The following SOX5 variants were observed in gnomAD, a reference collection of about 807,000 sequenced individuals.
SOX5 encodes transcription factor SOX-5.
Under a neutral mutation model 92.0 loss-of-function variants are expected in SOX5, and 9 were observed. The ratio of observed to expected loss-of-function variants is 0.10; its 90% CI spans 0.06 to 0.17. The LOEUF is 0.17. Among genes scored for constraint, SOX5 ranks in the 10% least tolerant of loss-of-function variants. The pLI, the probability that SOX5 is intolerant of heterozygous loss-of-function variation, is 1.00. For missense variants in SOX5, 642 were observed against 944.5 expected (o/e 0.68, Z 4.20); for synonymous variants, 344 against 336.3 (o/e 1.02, Z -0.25).
At chr12:24,429,666 G>A (rs1195705184) in intron 1 of SOX5, among the ~76,000 whole-genome samples, 1 of 151,116 alleles carries the variant, frequency 6.6e-6, no homozygotes, top group Non-Finnish European at 1.5e-5. Flanking sequence ...TGAGCACAAA[G>A]CCCTCCAACT....
chr12:23,665,374 G>T, intron 7 of SOX5, 70 bp downstream of exon 7: 4 of 1,517,522 alleles, frequency 2.6e-6, no homozygotes, highest in Non-Finnish European at 3.6e-6. Context: ...GGTGTGGCAG[G>T]AATATTAAAT....
intron 4 of SOX5, among the ~76,000 whole-genome samples, chr12:23,984,901 A>AT (rs886068211): frequency 6.6e-6 from 1 of 152,192 alleles, no homozygotes; most frequent in East Asian, 1.9e-4. Flanking sequence ...TAAATATATG[A>AT]TTTTAACCCA....
intron 2 of SOX5, among the ~76,000 whole-genome samples, chr12:23,867,018 T>G (rs2096821970): frequency 6.7e-6 from 1 of 149,288 alleles, no homozygotes; most frequent in Non-Finnish European, 1.5e-5. Flanking sequence ...GGCCATGCGT[T>G]CCTTATTTTC....
chr12:23,890,344 G>A (rs2097116273), intron 2 of SOX5, among the ~76,000 whole-genome samples: 1 of 151,532 alleles, frequency 6.6e-6, no homozygotes, highest in South Asian at 2.1e-4. Flanking sequence ...AAATTACACT[G>A]TTCACTCAAC....
chr12:24,081,725 T>C (rs1943356155), intron 4 of SOX5, among the ~76,000 whole-genome samples: 1 of 152,032 alleles, frequency 6.6e-6, no homozygotes. Context: ...AATAGTGGTA[T>C]TGTGACTTCA....
intron 4 of SOX5, among the ~76,000 whole-genome samples, chr12:24,132,083 T>C (rs1949700274): frequency 6.6e-6 from 1 of 152,176 alleles, no homozygotes; most frequent in Non-Finnish European, 1.5e-5. Flanking sequence ...CTTCAATCCC[T>C]AATGCTAAGT....
chr12:24,266,034 ATGTGTGTGTGTGTG>A (rs59696898), intron 3 of SOX5, among the ~76,000 whole-genome samples: 4,334 of 127,690 alleles, frequency 0.034, 136 homozygotes, highest in African/African-American at 0.08. Context: ...ATGCCAGCTA[ATGTGTGTGTGTGTG>A]TGTGTGTGTG....
intron 8 of SOX5, among the ~76,000 whole-genome samples, chr12:23,637,714 G>T (rs1379513653): frequency 1.3e-5 from 2 of 152,160 alleles, no homozygotes; most frequent in African/African-American, 4.8e-5. Flanking sequence ...TTCCTCAACT[G>T]GCTTTTTGTT....
chr12:24,204,008 A>T (rs1384217853), intron 4 of SOX5, among the ~76,000 whole-genome samples: 1 of 152,106 alleles, frequency 6.6e-6, no homozygotes, highest in Non-Finnish European at 1.5e-5. Context: ...CATTCAGATA[A>T]ATGTCACTCC....
chr12:23,789,771 G>T lies in SOX5; in HGVS notation c.482-34047C>A, dbSNP rs192394085. Among the ~76,000 whole-genome samples the T allele has an allele frequency of 1.7e-4, 26 of 152,166 alleles. No homozygotes were observed. The East Asian group carries it at 3.9e-3, about 23-fold the overall frequency. On this transcript the variant is annotated intron_variant, in intron 3 of 14. Coordinates refer to ENST00000451604, the MANE Select transcript of SOX5 (RefSeq NM_006940.6). ...ACACAAAATTACTTTTACTGCAGTT[G>T]AAATGCAACTAATAAAATCAGATCT...
intron 2 of SOX5, among the ~76,000 whole-genome samples, chr12:24,288,222 T>C (rs1946149700): frequency 6.6e-6 from 1 of 152,128 alleles, no homozygotes; most frequent in Admixed American, 6.5e-5. Flanking sequence ...CCAGGGATGC[T>C]TCTAAACATC....
chr12:24,506,784 CTTTTTT>C lies in SOX5; in HGVS notation c.-251+55539_-251+55544del, dbSNP rs386375924. Among the ~76,000 whole-genome samples the C allele has an allele frequency of 3.4e-4, 28 of 81,772 alleles. 1 individual carries two copies. Among genetic ancestry groups the C allele is most frequent in the African/African-American group, 1.3e-3 (27 of 20,766 alleles). The allele number at this position is 81,772 out of a possible 152,430, so 53.6% of individuals were successfully genotyped here. A position where few individuals can be genotyped will look rare whatever the true frequency, so the allele number is the denominator to read the frequency against. ...CTGTATTTCATGGTATCCAAATGGT[CTTTTTT>C]TTTTTTTTTTTTTTTTGGAGACGGG... is the stretch of plus-strand genomic sequence containing the variant. On this transcript the variant is annotated intron_variant, in intron 1 of 4. Transcript: ENST00000446891.
chr12:24,019,862 C>T (rs1954087120), intron 4 of SOX5, among the ~76,000 whole-genome samples: 1 of 152,134 alleles, frequency 6.6e-6, no homozygotes, highest in Admixed American at 6.5e-5. Context: ...CCCTCTTAAA[C>T]TACGAGAAGC....
At chr12:23,549,839 A>T (rs1416201056) in intron 11 of SOX5, among the ~76,000 whole-genome samples, 4 of 152,000 alleles carry the variant, frequency 2.6e-5, no homozygotes, top group Non-Finnish European at 5.9e-5. Context: ...AGTCTGTTTA[A>T]AAACAGACTT....
intron 7 of SOX5, among the ~76,000 whole-genome samples, chr12:23,644,858 T>C (rs2080621069): frequency 1.3e-5 from 2 of 152,222 alleles, no homozygotes; most frequent in South Asian, 4.1e-4. Flanking sequence ...GAATTGACAA[T>C]TTAAATGCTT....
chr12:23,685,758 T>G (rs1264713989), intron 6 of SOX5, among the ~76,000 whole-genome samples: 1 of 152,004 alleles, frequency 6.6e-6, no homozygotes, highest in Non-Finnish European at 1.5e-5. Flanking sequence ...CTGGAGGGAC[T>G]CCATGGACCC....
intron 4 of SOX5, among the ~76,000 whole-genome samples, chr12:24,104,168 A>C (rs1946408876): frequency 6.6e-6 from 1 of 152,238 alleles, no homozygotes; most frequent in African/African-American, 2.4e-5. Flanking sequence ...AAGAAAGTTT[A>C]TGGAATGTAT....
intron 7 of SOX5, among the ~76,000 whole-genome samples, chr12:23,659,308 A>G (rs1185968504): frequency 6.6e-6 from 1 of 152,218 alleles, no homozygotes; most frequent in Non-Finnish European, 1.5e-5. Flanking sequence ...ACTCCTAAAC[A>G]TTAATTTTAT....
intron 1 of SOX5, among the ~76,000 whole-genome samples, chr12:24,532,470 T>A (rs957369812): frequency 4.6e-5 from 7 of 152,202 alleles, no homozygotes; most frequent in Non-Finnish European, 7.3e-5. Flanking sequence ...CCCTCCAGAT[T>A]CCTGAAGAAC....
Sources: gnomAD v4.1 joint callset for allele counts (sites outside exome capture counted in the v4.1 genomes callset) on GRCh38, gnomAD v4.1.1 for gene constraint, MANE v1.5 for transcripts, NCBI Gene and HGNC (gene_info 2026-07-23, HGNC 2026-07-21) for gene names.